The following PUM1 variants were observed in gnomAD, a reference collection of about 807,000 sequenced individuals.
PUM1 encodes the protein pumilio RNA binding family member 1, also known as pumilio homolog 1.
PUM1 carries 13 observed loss-of-function variants against 131.8 expected under a neutral mutation model. That is an observed-to-expected ratio of 0.10 (90% CI 0.06 to 0.16). PUM1 has a LOEUF of 0.16. PUM1 is among the 10% of genes least tolerant of loss of function. The probability of loss-of-function intolerance (pLI) is 1.00; values close to 1 mark genes in which losing one functional copy is unlikely to be tolerated. For missense variants in PUM1, 961 were observed against 1,512.4 expected (o/e 0.64, Z 6.05); for synonymous variants, 509 against 556.5 (o/e 0.91, Z 1.20).
At chr1:31,049,824 T>TC (rs1644065128) in intron 2 of PUM1, among the ~76,000 whole-genome samples, 2 of 21,060 alleles carry the variant, frequency 9.5e-5, no homozygotes, top group African/African-American at 3.7e-4. Context: ...CTGAACTTCC[T>TC]TTTTTTTTTT....
chr1:31,028,626 A>G (rs977906070), intron 3 of PUM1, 170 bp downstream of exon 3: 13 of 643,760 alleles, frequency 2.0e-5, no homozygotes, highest in Non-Finnish European at 3.3e-5. Flanking sequence ...TCTTCTTTTA[A>G]TGACATAGTT....
At chr1:31,029,060 C>T (rs994166217) in intron 2 of PUM1, among the ~76,000 whole-genome samples, 196 bp from the exon 3 acceptor site, 8 of 152,122 alleles carry the variant, frequency 5.3e-5, no homozygotes, top group African/African-American at 1.9e-4. Flanking sequence ...CCTACTTTCT[C>T]CCCTCCCATT....
At chr1:31,029,713 C>T (rs1008083236) in intron 2 of PUM1, among the ~76,000 whole-genome samples, 15 of 152,110 alleles carry the variant, frequency 9.9e-5, no homozygotes, top group African/African-American at 2.9e-4. Context: ...TTATTAAAGA[C>T]GTAGGCTCCC....
intron 5 of PUM1, among the ~76,000 whole-genome samples, chr1:30,997,035 G>C (rs930477228): frequency 6.6e-6 from 1 of 152,160 alleles, no homozygotes; most frequent in African/African-American, 2.4e-5. Flanking sequence ...TGGTAATATG[G>C]TCTAGATGAC....
chr1:31,057,696 G>A (rs1470656068), intron 2 of PUM1, among the ~76,000 whole-genome samples: 1 of 126,902 alleles, frequency 7.9e-6, no homozygotes, highest in African/African-American at 3.0e-5. Flanking sequence ...CTGCACTCCA[G>A]CCTGGGCGAC....
intron 20 of PUM1, among the ~76,000 whole-genome samples, chr1:30,937,795 G>A (rs1030680997): frequency 2.0e-5 from 3 of 151,908 alleles, no homozygotes; most frequent in South Asian, 2.1e-4. Flanking sequence ...TTGAGACAGG[G>A]TCTCACTCTG....
At chr1:30,953,591 C>CTTATTT (rs1337762293) in intron 15 of PUM1, 123 bp downstream of exon 15, 1 of 1,059,056 alleles carries the variant, frequency 9.4e-7, no homozygotes, top group African/African-American at 1.6e-5. Context: ...GTGATGCAAA[C>CTTATTT]TAAGAGGCAC....
intron 7 of PUM1, among the ~76,000 whole-genome samples, chr1:30,984,770 T>C (rs998022038): frequency 6.6e-6 from 1 of 152,240 alleles, no homozygotes; most frequent in African/African-American, 2.4e-5. Context: ...TGACATGTAG[T>C]TGGCATCTTA....
chr1:31,027,129 T>C (rs962652336), intron 3 of PUM1, among the ~76,000 whole-genome samples: 2 of 152,178 alleles, frequency 1.3e-5, no homozygotes, highest in Non-Finnish European at 2.9e-5. Flanking sequence ...ATTATTCTTA[T>C]CTTGTATCAT....
At position 31,004,280 on chromosome 1, in the gene PUM1, T is replaced by C. The variant is rs374705924; in HGVS notation, c.720+1573A>G. ...ACTATTTTTCTGCCTCCTACAAGCT[T>C]CACAGTAATGCAGGCACATGCCTCC... On this transcript the variant is annotated intron_variant, in intron 5 of 21. Coordinates refer to ENST00000426105, the MANE Select transcript of PUM1 (RefSeq NM_001020658.2). 7.6e-4 allele frequency among the ~76,000 whole-genome samples: 116 copies of C among 152,324 alleles called. 1 individual carries two copies. The highest frequency in any genetic ancestry group is 2.6e-3 in the African/African-American group (110 of 41,566).
chr1:30,935,191 T>G (rs1639149883), intron 21 of PUM1, among the ~76,000 whole-genome samples: 1 of 152,180 alleles, frequency 6.6e-6, no homozygotes, highest in Non-Finnish European at 1.5e-5. Context: ...ACGTGTGATT[T>G]TGTCACCACA....
At position 31,007,278 on chromosome 1, in the gene PUM1, T is replaced by A. The variant is rs1642426889; in HGVS notation, c.433-176A>T. On this transcript the variant is annotated intron_variant, in intron 3 of 21. Transcript: ENST00000426105. ...AACACTGCTATATATTTGGTAAAAGTCACAGAGAGGCCTAAGGCAAGGTGG... is the reference window on the plus strand; with the variant it reads ...AACACTGCTATATATTTGGTAAAAGACACAGAGAGGCCTAAGGCAAGGTGG... 2.0e-5 allele frequency among the ~76,000 whole-genome samples: 3 copies of A among 152,114 alleles called. No homozygotes were observed. The South Asian group carries it at 6.2e-4, about 32-fold the overall frequency.
chr1:31,033,777 G>A (rs1643517465), intron 2 of PUM1, among the ~76,000 whole-genome samples: 1 of 152,140 alleles, frequency 6.6e-6, no homozygotes, highest in South Asian at 2.1e-4. Flanking sequence ...CGAGTAGCCA[G>A]GACTAGAGAC....
At chr1:30,953,062 T>C (rs1449822071) in intron 15 of PUM1, among the ~76,000 whole-genome samples, 1 of 152,216 alleles carries the variant, frequency 6.6e-6, no homozygotes, top group East Asian at 1.9e-4. Context: ...GTCTGCCTTT[T>C]TTTAGTCCAA....
chr1:30,954,281 G>A (rs1275679581), intron 14 of PUM1, among the ~76,000 whole-genome samples: 1 of 152,124 alleles, frequency 6.6e-6, no homozygotes, highest in Non-Finnish European at 1.5e-5. Flanking sequence ...GAAATGTGCC[G>A]ACCAGGTGAA....
chr1:31,004,081 G>A (rs1486503536), intron 5 of PUM1, among the ~76,000 whole-genome samples: 2 of 152,184 alleles, frequency 1.3e-5, no homozygotes, highest in African/African-American at 4.8e-5. Context: ...CTAGCCTGAA[G>A]TCTTAACCTC....
intron 15 of PUM1, among the ~76,000 whole-genome samples, chr1:30,953,049 A>G (rs1640015562): frequency 6.6e-6 from 1 of 152,184 alleles, no homozygotes; most frequent in African/African-American, 2.4e-5. Flanking sequence ...TGAAGTAGTA[A>G]CAGTCTGCCT....
At chr1:31,036,380 CT>C (rs1557597765) in intron 2 of PUM1, among the ~76,000 whole-genome samples, 1 of 152,046 alleles carries the variant, frequency 6.6e-6, no homozygotes, top group Non-Finnish European at 1.5e-5. Context: ...AAATTCAGCT[CT>C]TTATGCCTTT....
rs531628766 is a variant in PUM1 at position 31,052,076 on chromosome 1, G to A, written c.363+7128C>T. ...CGCCCAGGCTGGAGGGCAGTGGTGC[G>A]ATCTTGGCTCACTGCAAGCTCCACC... On this transcript the variant is annotated intron_variant, in intron 2 of 21. Transcript: ENST00000426105. Among the ~76,000 whole-genome samples, 23 of 151,968 alleles carry A rather than the reference G, an allele frequency of 1.5e-4. No homozygotes were observed. The South Asian group carries it at 3.1e-3, about 21-fold the overall frequency.
Sources: gnomAD v4.1 joint callset for allele counts (sites outside exome capture counted in the v4.1 genomes callset) on GRCh38, gnomAD v4.1.1 for gene constraint, MANE v1.5 for transcripts, NCBI Gene and HGNC (gene_info 2026-07-23, HGNC 2026-07-21) for gene names.